Variants in NIBAN1 observed in about 807,000 individuals in gnomAD.
NIBAN1 encodes the protein niban apoptosis regulator 1, also known as protein Niban 1.
NIBAN1 carries 81 observed loss-of-function variants against 75.1 expected under a neutral mutation model. The observed-to-expected ratio is 1.08, with a 90% CI of 0.90 to 1.30. The LOEUF is 1.30. NIBAN1 is among the 50% of genes most tolerant of loss of function. NIBAN1 has a pLI of 0.00. For missense variants in NIBAN1, 1,133 were observed against 1,128.1 expected (o/e 1.00, Z -0.06); for synonymous variants, 436 against 424.8 (o/e 1.03, Z -0.32).
At chr1:184,958,705 A>G (rs1043757262) in intron 1 of NIBAN1, among the ~76,000 whole-genome samples, 32 of 152,202 alleles carry the variant, frequency 2.1e-4, no homozygotes, top group African/African-American at 7.5e-4. Context: ...AGGAGTTAGC[A>G]TTTTTAGTTA....
At chr1:184,799,485 T>C (rs1438250979) in intron 12 of NIBAN1, among the ~76,000 whole-genome samples, 3 of 150,160 alleles carry the variant, frequency 2.0e-5, no homozygotes, top group African/African-American at 4.9e-5. Context: ...CTATTGTGAA[T>C]AGTGCCACAA....
At position 184,913,139 on chromosome 1, in the gene NIBAN1, A is replaced by ATATATATATATATATATAT. The variant is rs1553227229; in HGVS notation, c.56-13831_56-13830insATATATATATATATATATA. 7.8e-3 allele frequency among the ~76,000 whole-genome samples: 804 copies of ATATATATATATATATATAT among 103,022 alleles called. 7 individuals carry two copies. The highest frequency in any genetic ancestry group is 0.023 in the African/African-American group (759 of 32,396). The allele number at this position is 103,022 out of a possible 152,430, so 67.6% of individuals were successfully genotyped here. On this transcript the variant is annotated intron_variant, in intron 1 of 13. Transcript: ENST00000367511. Reference sequence around the variant, plus strand: ...TATATGCCTTGCATATCATGCAGGTATATATATATATATATTATATATATA... The same window carrying ATATATATATATATATATAT: ...TATATGCCTTGCATATCATGCAGGTATATATATATATATATATATTATATATATATATATTATATATATA...
At chr1:184,955,359 T>TTCCTTTCCTTTCC (rs1557929596) in intron 1 of NIBAN1, among the ~76,000 whole-genome samples, 24 of 150,978 alleles carry the variant, frequency 1.6e-4, no homozygotes, top group African/African-American at 5.6e-4. Context: ...TTCCTTTCCT[T>TTCCTTTCCTTTCC]TTCTTTTTTG....
intron 3 of NIBAN1, 114 bp downstream of exon 3, chr1:184,893,961 G>T: frequency 9.2e-7 from 1 of 1,083,542 alleles, no homozygotes; most frequent in African/African-American, 1.6e-5. Context: ...TTTTGTACCA[G>T]TACCATGCTG....
chr1:184,974,442 G>C lies in NIBAN1; in HGVS notation c.-86C>G. 6.8e-7 allele frequency: 1 copy of C among 1,480,154 alleles called. No homozygotes were observed. The highest frequency in any genetic ancestry group is 9.0e-7 in the Non-Finnish European group (1 of 1,109,696). 91.7% of individuals were successfully genotyped at this position (1,480,154 alleles called of 1,614,324 possible). On this transcript the variant is annotated 5_prime_UTR_variant, in exon 1 of 14. Coordinates refer to ENST00000367511, the MANE Select transcript of NIBAN1 (RefSeq NM_052966.4). ...TGGAGGTTGATCCGACGGCGAACCC[G>C]GCTCTGAAATTAAGAGCAAACTTCC...
intron 9 of NIBAN1, among the ~76,000 whole-genome samples, chr1:184,812,771 AGT>A (rs1285600419): frequency 6.6e-6 from 1 of 152,240 alleles, no homozygotes; most frequent in African/African-American, 2.4e-5. Context: ...GCTGTAGCTC[AGT>A]AGCTAAGGTT....
intron 1 of NIBAN1, among the ~76,000 whole-genome samples, chr1:184,920,175 T>A (rs183585591): frequency 6.6e-5 from 10 of 152,162 alleles, no homozygotes; most frequent in African/African-American, 2.2e-4. Context: ...AGAAAGAAAC[T>A]CAGAGCCCAT....
intron 1 of NIBAN1, among the ~76,000 whole-genome samples, chr1:184,916,916 A>G: frequency 6.6e-6 from 1 of 152,032 alleles, no homozygotes; most frequent in East Asian, 1.9e-4. Flanking sequence ...TTCACTACTT[A>G]TCCTTGATCT....
chr1:184,906,708 T>C (rs958232629), intron 1 of NIBAN1, among the ~76,000 whole-genome samples: 1 of 152,208 alleles, frequency 6.6e-6, no homozygotes, highest in Non-Finnish European at 1.5e-5. Context: ...ATGAGTTTTG[T>C]CCATGAAATT....
chr1:184,884,046 G>C (rs1201138845), intron 5 of NIBAN1, among the ~76,000 whole-genome samples: 1 of 152,096 alleles, frequency 6.6e-6, no homozygotes, highest in Non-Finnish European at 1.5e-5. Context: ...ACTCAGGACA[G>C]TCAGAATGTG....
intron 1 of NIBAN1, among the ~76,000 whole-genome samples, chr1:184,945,747 G>A (rs1658204426): frequency 6.6e-6 from 1 of 152,150 alleles, no homozygotes; most frequent in Non-Finnish European, 1.5e-5. Flanking sequence ...ATTTCTGATA[G>A]CCAGATAGAG....
intron 1 of NIBAN1, among the ~76,000 whole-genome samples, chr1:184,937,467 A>G (rs1657992240): frequency 6.6e-6 from 1 of 152,214 alleles, no homozygotes; most frequent in South Asian, 2.1e-4. Flanking sequence ...CAAAGAAAAG[A>G]ATATGTATAT....
chr1:184,861,762 AGGAG>A (rs997772698), intron 5 of NIBAN1, among the ~76,000 whole-genome samples: 1 of 145,696 alleles, frequency 6.9e-6, no homozygotes, highest in Admixed American at 6.8e-5. Context: ...GAAAGAAGAA[AGGAG>A]GGAGGGAGGA....
intron 1 of NIBAN1, among the ~76,000 whole-genome samples, chr1:184,908,785 A>C (rs1050221753): frequency 2.0e-5 from 3 of 152,148 alleles, no homozygotes; most frequent in Non-Finnish European, 4.4e-5. Flanking sequence ...GATGAGAATA[A>C]ATCTTGTTTA....
chr1:184,972,309 T>C (rs1047335145), intron 1 of NIBAN1, among the ~76,000 whole-genome samples: 10 of 152,354 alleles, frequency 6.6e-5, no homozygotes, highest in Admixed American at 6.5e-4. Context: ...AGAATATTTA[T>C]AGGCTAAAAA....
At chr1:184,931,213 T>C (rs1324154131) in intron 1 of NIBAN1, among the ~76,000 whole-genome samples, 1 of 152,166 alleles carries the variant, frequency 6.6e-6, no homozygotes, top group East Asian at 1.9e-4. Context: ...TTGGCCAGGC[T>C]GGTCTCGAAC....
intron 4 of NIBAN1, among the ~76,000 whole-genome samples, chr1:184,886,448 GT>G (rs918142212): frequency 2.0e-5 from 3 of 152,162 alleles, no homozygotes; most frequent in Non-Finnish European, 4.4e-5. Context: ...TTCAACTTCA[GT>G]TTGTTGAGTG....
intron 12 of NIBAN1, among the ~76,000 whole-genome samples, chr1:184,801,380 A>G (rs1483420352): frequency 6.6e-6 from 1 of 152,204 alleles, no homozygotes; most frequent in Non-Finnish European, 1.5e-5. Context: ...TGAGAAAAGC[A>G]TTGCCCAGGA....
chr1:184,890,643 G>A (rs915878434), intron 3 of NIBAN1, among the ~76,000 whole-genome samples: 1 of 152,234 alleles, frequency 6.6e-6, no homozygotes, highest in African/African-American at 2.4e-5. Context: ...CACATAGGAT[G>A]ACTAATGAGA....
Sources: allele counts gnomAD v4.1 joint callset (sites outside exome capture counted in the v4.1 genomes callset), GRCh38; gene constraint gnomAD v4.1.1; transcripts MANE v1.5; gene names NCBI Gene and HGNC (gene_info 2026-07-23, HGNC 2026-07-21).